HEPH: variants seen among roughly 807,000 people sequenced by gnomAD.
HEPH encodes hephaestin.
In HEPH, 69 loss-of-function variants were observed where a neutral mutation model predicts 80.8. The ratio of observed to expected loss-of-function variants is 0.85; its 90% CI spans 0.70 to 1.04. The LOEUF (loss-of-function observed/expected upper bound fraction) is 1.04, where lower values mean the gene tolerates loss of function less well. Among genes scored for constraint, HEPH ranks in the 50% least tolerant of loss-of-function variants. The pLI, the probability that HEPH is intolerant of heterozygous loss-of-function variation, is 0.00. For missense variants in HEPH, 1,115 were observed against 891.3 expected, an observed-to-expected ratio of 1.25 and a Z score of -3.20; for synonymous variants, 431 against 322.8, an observed-to-expected ratio of 1.34 and a Z score of -3.60.
chrX:66,231,272 T>C (rs1256498807), intron 15 of HEPH, among the ~76,000 whole-genome samples: 2 of 109,111 alleles, frequency 1.8e-5, no homozygotes, highest in Admixed American at 2.0e-4. Context: ...TCTTTTTTGG[T>C]TCCATATGAA....
At chrX:66,180,408 T>G (rs1453064871) in intron 4 of HEPH, among the ~76,000 whole-genome samples, 4 of 111,002 alleles carry the variant, frequency 3.6e-5, no homozygotes, top group Non-Finnish European at 7.5e-5. Context: ...TGATAATTGT[T>G]TTGTTTGTGG....
At chrX:66,231,343 A>G (rs1322158794) in intron 15 of HEPH, among the ~76,000 whole-genome samples, 85 of 104,227 alleles carry the variant, frequency 8.2e-4, no homozygotes, top group African/African-American at 2.9e-3. Context: ...TGGGGATGGC[A>G]TTGAATCTGT....
At chrX:66,232,681 C>A (rs891421866) in intron 15 of HEPH, among the ~76,000 whole-genome samples, 1 of 110,326 alleles carries the variant, frequency 9.1e-6, no homozygotes, top group Non-Finnish European at 1.9e-5. Context: ...GTACACCCAC[C>A]TTAATGATAA....
intron 4 of HEPH, among the ~76,000 whole-genome samples, chrX:66,179,373 G>A (rs1390058556): frequency 1.8e-5 from 2 of 111,628 alleles, no homozygotes; most frequent in Admixed American, 1.9e-4. Flanking sequence ...TTGAAGTCAG[G>A]TAGCGTCATG....
Position 66,172,530 on chromosome X carries a change from C to T in HEPH, c.343C>T (p.Leu115=). ...AEVGDVILIH[L]KNFATRPYTI... ...AGTGGGGGATGTCATTCTTATTCAC[C>T]TGAAGAATTTTGCCACTCGTCCCTA... is the stretch of plus-strand genomic sequence containing the variant. The change falls in exon 3 of 21, where the codon CTG becomes TTG. Residue 115 remains leucine (L), a synonymous_variant. Coordinates refer to ENST00000343002, the MANE Select transcript of HEPH (RefSeq NM_001367233.3). 2 of 1,209,545 alleles carry T rather than the reference C, an allele frequency of 1.7e-6. No homozygotes were observed. The highest frequency in any genetic ancestry group is 2.2e-6 in the Non-Finnish European group (2 of 894,145).
intron 18 of HEPH, 116 bp from the exon 19 acceptor site, chrX:66,259,984 G>A: frequency 1.8e-6 from 1 of 564,305 alleles, no homozygotes; most frequent in Non-Finnish European, 2.9e-6. Flanking sequence ...ACTGGTCTAG[G>A]AACCTTGAAG....
chrX:66,230,149 C>A (rs2090065628), intron 15 of HEPH, among the ~76,000 whole-genome samples: 1 of 90,036 alleles, frequency 1.1e-5, no homozygotes, highest in Non-Finnish European at 2.2e-5. Flanking sequence ...TGTATATGTG[C>A]CACATTTTCT....
At chrX:66,224,821 A>ATC (rs747571260) in intron 15 of HEPH, among the ~76,000 whole-genome samples, 21 of 105,593 alleles carry the variant, frequency 2.0e-4, no homozygotes, top group East Asian at 6.0e-4. Context: ...AACTACTTGT[A>ATC]TCTCTCTCTC....
intron 15 of HEPH, among the ~76,000 whole-genome samples, chrX:66,223,263 T>C (rs1485920849): frequency 8.9e-6 from 1 of 111,832 alleles, no homozygotes; most frequent in Non-Finnish European, 1.9e-5. Context: ...AAATTGACTT[T>C]TTGTTTTAAA....
chrX:66,179,332 T>A (rs1013584424), intron 4 of HEPH, among the ~76,000 whole-genome samples: 7 of 112,036 alleles, frequency 6.2e-5, no homozygotes, highest in African/African-American at 1.9e-4. Flanking sequence ...AGTACCATGC[T>A]GTTTTGGTTA....
chrX:66,257,849 G>A (rs189328955), intron 17 of HEPH, among the ~76,000 whole-genome samples: 4 of 111,739 alleles, frequency 3.6e-5, no homozygotes, highest in Non-Finnish European at 7.5e-5. Flanking sequence ...CTCTCTGTAA[G>A]AACATAAGAA....
chrX:66,255,717 A>T (rs915839703), intron 16 of HEPH, among the ~76,000 whole-genome samples: 2 of 111,537 alleles, frequency 1.8e-5, no homozygotes, highest in Non-Finnish European at 3.8e-5. Flanking sequence ...TGGAGAAGGC[A>T]TCACAATGGG....
intron 15 of HEPH, among the ~76,000 whole-genome samples, chrX:66,248,626 G>A (rs2090899103): frequency 8.9e-6 from 1 of 112,114 alleles, no homozygotes; most frequent in Non-Finnish European, 1.9e-5. Context: ...TGGTAAGAAT[G>A]AATATTCTAT....
rs1213776793 is a variant in HEPH, at chrX:66,188,388, C to T, written c.655C>T (p.Arg219Cys). The change falls in exon 5 of 21, where the codon CGC becomes TGC. Residue 219 changes from arginine (R) to cysteine (C), a missense_variant. Coordinates refer to ENST00000343002, the MANE Select transcript of HEPH (RefSeq NM_001367233.3). ...GALDGNSPPQ[R>C]QDVDHDFFLL... ...CCTGGATGGGAACTCCCCTCCTCAA[C>T]GCCAGGATGTAGACCATGATTTCTT... 10 of 1,194,981 alleles carry T rather than the reference C, an allele frequency of 8.4e-6. No individual in the cohort carries two copies. The highest frequency in any genetic ancestry group is 6.0e-5 in the East Asian group (2 of 33,454).
chrX:66,255,060 C>T lies in HEPH; in HGVS notation c.2589C>T (p.Asn863=), dbSNP rs774084212. 1 of 1,204,502 alleles carries T rather than the reference C, an allele frequency of 8.3e-7. No individual in the cohort carries two copies. Among genetic ancestry groups the T allele is most frequent in the Non-Finnish European group, 1.1e-6 (1 of 890,773 alleles). ...GTGAGGTGGTCACTTATCAGTGGAA[C>T]ATCCCAGAGAGGTCTGGCCCTGGGC... is the stretch of plus-strand genomic sequence containing the variant. ...EPGEVVTYQW[N]IPERSGPGPN... is the part of the protein sequence containing the mutation. The change falls in exon 16 of 21, where the codon AAC becomes AAT. Residue 863 remains asparagine, a synonymous_variant. Coordinates refer to ENST00000343002, the MANE Select transcript of HEPH (RefSeq NM_001367233.3).
intron 15 of HEPH, among the ~76,000 whole-genome samples, chrX:66,249,440 G>A (rs2090931127): frequency 8.9e-6 from 1 of 111,743 alleles, no homozygotes; most frequent in South Asian, 3.7e-4. Context: ...TTCAGTTGTT[G>A]AGAGTGAGAA....
chrX:66,233,563 A>C (rs2148029193), intron 15 of HEPH, among the ~76,000 whole-genome samples: 1 of 111,157 alleles, frequency 9.0e-6, no homozygotes, highest in African/African-American at 3.3e-5. Context: ...CCCAATGTTA[A>C]ACTTTTAACT....
intron 15 of HEPH, among the ~76,000 whole-genome samples, chrX:66,232,268 G>A (rs899425034): frequency 2.7e-5 from 3 of 110,749 alleles, no homozygotes; most frequent in African/African-American, 9.9e-5. Context: ...GCCCGGCTTT[G>A]GTATCAGAAT....
At chrX:66,191,704 C>A (rs769031926) in intron 6 of HEPH, among the ~76,000 whole-genome samples, 1 of 111,988 alleles carries the variant, frequency 8.9e-6, no homozygotes, top group African/African-American at 3.3e-5. Flanking sequence ...AAATTTGATG[C>A]TCCTACCAGC....
Sources: gnomAD v4.1 joint callset for allele counts (sites outside exome capture counted in the v4.1 genomes callset) on GRCh38, gnomAD v4.1.1 for gene constraint, MANE v1.5 for transcripts, NCBI Gene and HGNC (gene_info 2026-07-23, HGNC 2026-07-21) for gene names.